The following TENM4 variants were observed in gnomAD, a reference collection of about 807,000 sequenced individuals.
TENM4 encodes the protein teneurin-4.
Under a neutral mutation model 243.3 loss-of-function variants are expected in TENM4, and 82 were observed. That is an observed-to-expected ratio of 0.34 (90% confidence interval 0.28 to 0.40). TENM4 has a LOEUF of 0.40. Ranked by LOEUF, TENM4 falls within the 10% of genes least tolerant of loss-of-function variation. The pLI is 1.00. For missense variants in TENM4, 3,138 were observed against 3,673.3 expected (o/e 0.85, Z 3.77); for synonymous variants, 1,412 against 1,456.3 (o/e 0.97, Z 0.69).
At chr11:78,725,929 G>A in intron 23 of TENM4, 150 bp downstream of exon 23, 2 of 1,051,126 alleles carry the variant, frequency 1.9e-6, no homozygotes, top group South Asian at 1.6e-5. Flanking sequence ...GCTCAGAGGA[G>A]GTCTTCAAGC....
At chr11:78,833,111 G>A (rs1368858589) in intron 12 of TENM4, among the ~76,000 whole-genome samples, 1 of 151,312 alleles carries the variant, frequency 6.6e-6, no homozygotes, top group Non-Finnish European at 1.5e-5. Flanking sequence ...TTTCTTCCTT[G>A]ACCTCTGTAG....
At chr11:78,819,188 C>T (rs181498144) in intron 12 of TENM4, among the ~76,000 whole-genome samples, 15 of 152,246 alleles carry the variant, frequency 9.9e-5, no homozygotes, top group Admixed American at 3.9e-4. Context: ...GTCAGGAACC[C>T]ACAGAGGCCT....
intron 6 of TENM4, among the ~76,000 whole-genome samples, chr11:79,013,113 G>T (rs1282436667): frequency 1.3e-5 from 2 of 152,264 alleles, no homozygotes; most frequent in East Asian, 3.9e-4. Context: ...TACTCAATGT[G>T]GCTGATATTA....
intron 6 of TENM4, among the ~76,000 whole-genome samples, chr11:79,021,187 C>A (rs1490387811): frequency 1.3e-5 from 2 of 152,198 alleles, no homozygotes; most frequent in East Asian, 1.9e-4. Flanking sequence ...CTCATCACAA[C>A]TAAACTTGAG....
intron 3 of TENM4, among the ~76,000 whole-genome samples, chr11:79,157,045 G>A (rs550874160): frequency 6.6e-6 from 1 of 152,310 alleles, no homozygotes; most frequent in South Asian, 2.1e-4. Context: ...GATGGGTTGA[G>A]AAGGAGGACC....
At chr11:78,989,870 A>G (rs1358972301) in intron 6 of TENM4, among the ~76,000 whole-genome samples, 2 of 152,080 alleles carry the variant, frequency 1.3e-5, no homozygotes, top group Admixed American at 6.6e-5. Flanking sequence ...CCTGGACAAC[A>G]TAACGAAACC....
At chr11:79,236,994 C>T (rs573459326) in intron 2 of TENM4, among the ~76,000 whole-genome samples, 3 of 152,280 alleles carry the variant, frequency 2.0e-5, no homozygotes, top group Admixed American at 6.5e-5. Context: ...ATGCCAGGTA[C>T]TTCTCTGGTT....
chr11:79,337,554 G>C (rs1480629322), intron 1 of TENM4, among the ~76,000 whole-genome samples: 1 of 152,212 alleles, frequency 6.6e-6, no homozygotes, highest in Non-Finnish European at 1.5e-5. Flanking sequence ...GGGTTGCTAA[G>C]AGTTGTAGGT....
At chr11:79,332,301 C>A (rs1257828068) in intron 1 of TENM4, among the ~76,000 whole-genome samples, 1 of 152,080 alleles carries the variant, frequency 6.6e-6, no homozygotes, top group Non-Finnish European at 1.5e-5. Flanking sequence ...GAATGTAAGG[C>A]TAAAATCCTA....
rs868247141 is a variant in TENM4, at chr11:78,903,865, A to G, written c.494-342T>C. On this transcript the variant is annotated intron_variant, in intron 6 of 33. Transcript: ENST00000278550. Reference sequence around the variant, plus strand: ...AGGACGTGGTTTTTAAAGTGTGGCCAGGGACCAGCAGCTTCAGCATCGTCT... The same window carrying G: ...AGGACGTGGTTTTTAAAGTGTGGCCGGGGACCAGCAGCTTCAGCATCGTCT... 12 of 568,718 alleles carry G rather than the reference A, an allele frequency of 2.1e-5. No individual in the cohort carries two copies. The Middle Eastern group carries it at 1.3e-3, about 63-fold the overall frequency. 35.2% of individuals were successfully genotyped at this position (568,718 alleles called of 1,614,324 possible).
chr11:79,309,657 T>G (rs1372045087), intron 1 of TENM4, among the ~76,000 whole-genome samples: 1 of 152,222 alleles, frequency 6.6e-6, no homozygotes, highest in Admixed American at 6.5e-5. Context: ...GTCGGCTTCA[T>G]ACTGAGTTGC....
At chr11:78,721,907 G>A (rs1255829115) in intron 24 of TENM4, among the ~76,000 whole-genome samples, 1 of 152,126 alleles carries the variant, frequency 6.6e-6, no homozygotes, top group Non-Finnish European at 1.5e-5. Flanking sequence ...ACAGTGCCCT[G>A]GTTCTAAAAT....
At chr11:79,049,181 C>T (rs1162664959) in intron 6 of TENM4, among the ~76,000 whole-genome samples, 1 of 152,164 alleles carries the variant, frequency 6.6e-6, no homozygotes, top group Non-Finnish European at 1.5e-5. Flanking sequence ...CACTGGGCAG[C>T]ACAATTCCCT....
In TENM4 at chr11:79,417,616, G is replaced by A. The variant is rs1042194944; in HGVS notation, c.-321+22893C>T. Among the ~76,000 whole-genome samples, 87 of 152,180 alleles carry A rather than the reference G, an allele frequency of 5.7e-4. 5 individuals are homozygous for A. Among genetic ancestry groups the A allele is most frequent in the Non-Finnish European group, 2.9e-4 (20 of 68,034 alleles). Reference sequence around the variant, plus strand: ...CCAAAGAATTACATTGTCCTTTGAAGAACACTATGTATGTCTCCTATAGTC... The same window carrying A: ...CCAAAGAATTACATTGTCCTTTGAAAAACACTATGTATGTCTCCTATAGTC... On this transcript the variant is annotated intron_variant, in intron 1 of 33. Transcript: ENST00000278550.
chr11:78,978,600 G>C (rs1247408015), intron 6 of TENM4, among the ~76,000 whole-genome samples: 1 of 152,132 alleles, frequency 6.6e-6, no homozygotes, highest in Non-Finnish European at 1.5e-5. Context: ...CGGACTAATG[G>C]CATTGTCAAA....
chr11:78,816,806 A>C (rs78090104), intron 12 of TENM4, among the ~76,000 whole-genome samples: 2,081 of 152,328 alleles, frequency 0.014, 29 homozygotes, highest in African/African-American at 0.045. Flanking sequence ...GCCTATAGGA[A>C]ATTTGCAGCT....
intron 10 of TENM4, among the ~76,000 whole-genome samples, chr11:78,858,789 T>C (rs1858742568): frequency 6.6e-6 from 1 of 152,136 alleles, no homozygotes; most frequent in Admixed American, 6.5e-5. Flanking sequence ...TTCTTATCCC[T>C]ACCTACACTC....
chr11:79,420,872 C>T (rs1189797393), intron 1 of TENM4, among the ~76,000 whole-genome samples: 2 of 152,154 alleles, frequency 1.3e-5, no homozygotes, highest in African/African-American at 4.8e-5. Flanking sequence ...ATGCTAATTC[C>T]ACCAGCAGTG....
At chr11:79,384,760 T>C (rs2135530597) in intron 1 of TENM4, among the ~76,000 whole-genome samples, 1 of 151,830 alleles carries the variant, frequency 6.6e-6, no homozygotes, top group African/African-American at 2.4e-5. Context: ...ACCCTGTCTC[T>C]ACTAAAAATA....
Sources: gnomAD v4.1 joint callset for allele counts (sites outside exome capture counted in the v4.1 genomes callset) on GRCh38, gnomAD v4.1.1 for gene constraint, MANE v1.5 for transcripts, NCBI Gene and HGNC (gene_info 2026-07-23, HGNC 2026-07-21) for gene names.